The following ELAPOR1 variants were observed in gnomAD, a reference collection of about 807,000 sequenced individuals.
ELAPOR1 encodes the protein endosome-lysosome associated apoptosis and autophagy regulator 1, also known as endosome/lysosome-associated apoptosis and autophagy regulator 1.
ELAPOR1 carries 77 observed loss-of-function variants against 119.7 expected under a neutral mutation model. That is an observed-to-expected ratio of 0.64 (90% CI 0.54 to 0.78). The LOEUF (loss-of-function observed/expected upper bound fraction) is 0.78. Among genes scored for constraint, ELAPOR1 ranks in the 30% least tolerant of loss-of-function variants. ELAPOR1 has a pLI of 0.00. For missense variants in ELAPOR1, 1,115 were observed against 1,270.4 expected (o/e 0.88, Z 1.86); for synonymous variants, 481 against 487.2 (o/e 0.99, Z 0.17).
intron 7 of ELAPOR1, among the ~76,000 whole-genome samples, chr1:109,175,408 G>A (rs1480637300): frequency 1.4e-5 from 2 of 147,284 alleles, no homozygotes; most frequent in African/African-American, 5.0e-5. Flanking sequence ...CATTATGTTG[G>A]CCAGGCTGGT....
At chr1:109,173,348 G>A in intron 5 of ELAPOR1, 126 bp from the exon 6 acceptor site, 1 of 760,452 alleles carries the variant, frequency 1.3e-6, no homozygotes, top group Non-Finnish European at 2.2e-6. Flanking sequence ...AGGAAGAGGA[G>A]GAAGAGGGTC....
At chr1:109,186,236 G>A (rs1273527059) in intron 8 of ELAPOR1, among the ~76,000 whole-genome samples, 2 of 152,136 alleles carry the variant, frequency 1.3e-5, no homozygotes, top group Admixed American at 1.3e-4. Context: ...CAGCAGGAGA[G>A]GAGGCGGCAG....
intron 3 of ELAPOR1, among the ~76,000 whole-genome samples, chr1:109,169,798 A>G (rs1459191646): frequency 2.0e-5 from 3 of 152,232 alleles, no homozygotes; most frequent in Non-Finnish European, 4.4e-5. Flanking sequence ...GTGGAGCAAC[A>G]GGAACAGTGT....
rs189036824 is a variant in ELAPOR1, at chr1:109,175,071, G to A, written c.952+1234G>A. 2.3e-3 allele frequency among the ~76,000 whole-genome samples: 352 copies of A among 152,216 alleles called. 2 individuals are homozygous for A. The highest frequency in any genetic ancestry group is 8.1e-3 in the African/African-American group (337 of 41,530). On this transcript the variant is annotated intron_variant, in intron 7 of 21. Coordinates refer to ENST00000369939, the MANE Select transcript of ELAPOR1 (RefSeq NM_020775.5). ...AACACGGTCTCACTGTGTTGCCCAG[G>A]CTGGTCTCGAACTCCTGACCTCAAA...
At chr1:109,185,770 T>A (rs1411803226) in intron 8 of ELAPOR1, among the ~76,000 whole-genome samples, 2 of 151,828 alleles carry the variant, frequency 1.3e-5, no homozygotes, top group Non-Finnish European at 2.9e-5. Flanking sequence ...ACGGGCCCAG[T>A]CAAGGCAACC....
At chr1:109,177,124 A>G (rs1360136738) in intron 7 of ELAPOR1, among the ~76,000 whole-genome samples, 3 of 146,958 alleles carry the variant, frequency 2.0e-5, no homozygotes, top group Non-Finnish European at 4.5e-5. Context: ...TGTTGGGTAC[A>G]CCTCCCAGAC....
At chr1:109,192,574 GC>G (rs1456728809) in intron 13 of ELAPOR1, 36 bp from the exon 14 acceptor site, 9 of 1,607,656 alleles carry the variant, frequency 5.6e-6, no homozygotes, top group Non-Finnish European at 7.7e-6. Flanking sequence ...GCTGTCTCAG[GC>G]CTCTCCCCTC....
rs1211197828 is a variant in ELAPOR1 at position 109,205,135 on chromosome 1, GA to G, written c.*2124del. 6.6e-6 allele frequency: 1 copy of G among 152,188 alleles called. No homozygotes were observed. The highest frequency in any genetic ancestry group is 2.4e-5 in the African/African-American group (1 of 41,444). The allele number at this position is 152,188 out of a possible 1,614,324, so 9.4% of individuals were successfully genotyped here. A position where few individuals can be genotyped will look rare whatever the true frequency, so the allele number is the denominator to read the frequency against. ...TAAGTACCTAGAATGGGTAAAACCA[GA>G]GCAAGACTTTAAATTACCTTCTTCT... On this transcript the variant is annotated 3_prime_UTR_variant, in exon 22 of 22. Coordinates refer to ENST00000369939, the MANE Select transcript of ELAPOR1 (RefSeq NM_020775.5).
chr1:109,151,112 G>T (rs1195829711), intron 1 of ELAPOR1, among the ~76,000 whole-genome samples: 3 of 152,130 alleles, frequency 2.0e-5, no homozygotes, highest in African/African-American at 7.2e-5. Flanking sequence ...TTCAAATGGG[G>T]TAAATATTTA....
rs1651946150 is a variant in ELAPOR1 at position 109,171,882 on chromosome 1, CG to C, written c.488del (p.Gly163AlafsTer15). The C allele has an allele frequency of 2.5e-6, 4 of 1,614,182 alleles. No individual in the cohort carries two copies. The highest frequency in any genetic ancestry group is 2.2e-5 in the South Asian group (2 of 91,078). ...GNCTSSKWVP[R>X]GDYIASNTDE... ...CCTTCACAGGTCCAAGTGGGTTCCC[CG>C]GGGCGACTACATCGCCTCCAACACG... On this transcript the variant is annotated frameshift_variant, in exon 4 of 22. Coordinates refer to ENST00000369939, the MANE Select transcript of ELAPOR1 (RefSeq NM_020775.5). LOFTEE classifies it high-confidence loss of function.
intron 2 of ELAPOR1, among the ~76,000 whole-genome samples, chr1:109,163,116 A>C (rs1005393186): frequency 6.6e-6 from 1 of 152,252 alleles, no homozygotes; most frequent in Non-Finnish European, 1.5e-5. Context: ...ATATTTAGGG[A>C]TCAGGCATAG....
intron 4 of ELAPOR1, 30 bp downstream of exon 4, chr1:109,172,043 A>G (rs1266377154): frequency 6.2e-7 from 1 of 1,613,304 alleles, no homozygotes; most frequent in East Asian, 2.2e-5. Context: ...GGAGGGTGGG[A>G]GCTAAAAAGC....
intron 7 of ELAPOR1, among the ~76,000 whole-genome samples, chr1:109,177,466 G>A (rs1162637058): frequency 7.6e-6 from 1 of 132,368 alleles, no homozygotes; most frequent in Admixed American, 7.5e-5. Context: ...ATGGGTGGCC[G>A]GGCAGAGACG....
chr1:109,182,792 G>A (rs1461938469), intron 7 of ELAPOR1, among the ~76,000 whole-genome samples: 3 of 151,494 alleles, frequency 2.0e-5, no homozygotes, highest in Non-Finnish European at 4.4e-5. Flanking sequence ...GCGTGAACCC[G>A]GGAGGCGGAG....
chr1:109,159,027 A>T lies in ELAPOR1; in HGVS notation c.154-2867A>T, dbSNP rs187231605. ...ATTCTCTTGCCTCAGCCTCCTGAGT[A>T]GCTGGGATTACAGGCGCGTGCCACC... On this transcript the variant is annotated intron_variant, in intron 1 of 21. Transcript: ENST00000369939. Among the ~76,000 whole-genome samples, 121 of 151,654 alleles carry T rather than the reference A, an allele frequency of 8.0e-4. 1 individual carries two copies. The highest frequency in any genetic ancestry group is 1.3e-3 in the Admixed American group (19 of 15,162).
At chr1:109,142,201 G>T (rs1649871272) in intron 1 of ELAPOR1, among the ~76,000 whole-genome samples, 1 of 152,028 alleles carries the variant, frequency 6.6e-6, no homozygotes, top group Non-Finnish European at 1.5e-5. Context: ...AAGAAAAAAA[G>T]AAAAATTAAA....
chr1:109,191,534 A>AC lies in ELAPOR1; in HGVS notation c.1545+63_1545+64insC, dbSNP rs1653436674. On this transcript the variant is annotated intron_variant, in intron 12 of 21. Transcript: ENST00000369939. ...GGGGAGGGTTAGCCCCATCTGCCCCATTGGTGTGTCCACGTGACTGACACC... is the reference window on the plus strand; with the variant it reads ...GGGGAGGGTTAGCCCCATCTGCCCCACTTGGTGTGTCCACGTGACTGACACC... The AC allele has an allele frequency of 2.0e-6, 3 of 1,485,830 alleles. No individual in the cohort carries two copies. In the South Asian group the frequency reaches 3.4e-5, roughly 17 times the overall value. 92.0% of individuals were successfully genotyped at this position (1,485,830 alleles called of 1,614,324 possible).
At chr1:109,123,555 A>C (rs1648581230) in intron 1 of ELAPOR1, among the ~76,000 whole-genome samples, 1 of 152,246 alleles carries the variant, frequency 6.6e-6, no homozygotes, top group Admixed American at 6.5e-5. Context: ...GATTTGAATG[A>C]GATGAACTTT....
intron 5 of ELAPOR1, 45 bp downstream of exon 5, chr1:109,172,613 C>T: frequency 1.4e-6 from 2 of 1,454,630 alleles, no homozygotes; most frequent in Middle Eastern, 1.9e-4. Flanking sequence ...AGAAAAGGGA[C>T]CCAGGGCCTT....
Sources: gnomAD v4.1 joint callset for allele counts (sites outside exome capture counted in the v4.1 genomes callset) on GRCh38, gnomAD v4.1.1 for gene constraint, MANE v1.5 for transcripts, NCBI Gene and HGNC (gene_info 2026-07-23, HGNC 2026-07-21) for gene names.